PPFIBP1: variants seen among roughly 807,000 people sequenced by gnomAD.
PPFIBP1 encodes liprin-beta-1.
In PPFIBP1, 112 loss-of-function variants were observed where a neutral mutation model predicts 137.8. The observed-to-expected ratio is 0.81, with a 90% CI of 0.70 to 0.95. PPFIBP1 has a LOEUF of 0.95. Ranked by LOEUF, PPFIBP1 falls within the 40% of genes least tolerant of loss-of-function variation. The pLI, the probability that PPFIBP1 is intolerant of heterozygous loss-of-function variation, is 0.00. For synonymous variants in PPFIBP1, 378 were observed against 417.3 expected, an observed-to-expected ratio of 0.91 and a Z score of 1.15; for missense variants, 1,083 against 1,196.6, an observed-to-expected ratio of 0.91 and a Z score of 1.40.
At chr12:27,679,166 G>A in intron 19 of PPFIBP1, among the ~76,000 whole-genome samples, 1 of 152,160 alleles carries the variant, frequency 6.6e-6, no homozygotes. Context: ...GAAGGATGTA[G>A]CAGGTAATCA....
chr12:27,624,203 G>A (rs2056606643), intron 2 of PPFIBP1, among the ~76,000 whole-genome samples: 1 of 152,166 alleles, frequency 6.6e-6, no homozygotes. Flanking sequence ...CATAGTTTAT[G>A]GTTTGGATTA....
intron 1 of PPFIBP1, among the ~76,000 whole-genome samples, chr12:27,558,540 T>C (rs1488428602): frequency 1.0e-5 from 1 of 100,378 alleles, no homozygotes; most frequent in East Asian, 3.5e-4. Flanking sequence ...TTTGTGGGCA[T>C]TGGGGAAAAT....
chr12:27,554,624 T>C (rs922674830), intron 1 of PPFIBP1, among the ~76,000 whole-genome samples: 2 of 152,184 alleles, frequency 1.3e-5, no homozygotes, highest in Non-Finnish European at 2.9e-5. Flanking sequence ...CCCTGGAGGT[T>C]TGTAGTTCAG....
rs116890030 is a variant in PPFIBP1, at chr12:27,668,670, C to T, written c.1146+1350C>T. Among the ~76,000 whole-genome samples, 83 of 152,292 alleles carry T rather than the reference C, an allele frequency of 5.5e-4. 1 individual carries two copies. The East Asian group carries it at 0.015, about 28-fold the overall frequency. ...ATTTCATACGAATCATGTTATAATTCACTGCATTACAGAAGAACACATCCA... is the reference window on the plus strand; with the variant it reads ...ATTTCATACGAATCATGTTATAATTTACTGCATTACAGAAGAACACATCCA... On this transcript the variant is annotated intron_variant, in intron 13 of 29. Transcript: ENST00000228425.
In PPFIBP1 at chr12:27,654,809, A is replaced by T. The variant is rs771180048; in HGVS notation, c.691A>T (p.Thr231Ser). Reference protein sequence around the residue: ...RLQYEKKLKSTKDELASLKEQ... With the variant: ...RLQYEKKLKSSKDELASLKEQ... ...TCAGTATGAAAAAAAGCTTAAATCA[A>T]CCAAAGTAAGTTTTTCTCACAGGTT... The change falls in exon 8 of 30, where the codon ACC (threonine) becomes TCC (serine). Residue 231 changes from threonine (T) to serine (S), a missense_variant. By Grantham distance (58) the Thr-to-Ser change is moderately conservative. Coordinates refer to ENST00000228425, the MANE Select transcript of PPFIBP1 (RefSeq NM_003622.4). 6.2e-7 allele frequency: 1 copy of T among 1,612,110 alleles called. No homozygotes were observed. Among genetic ancestry groups the T allele is most frequent in the Non-Finnish European group, 8.5e-7 (1 of 1,179,342 alleles).
chr12:27,635,829 TTGTC>T (rs1362779339), intron 4 of PPFIBP1: 14 of 152,250 alleles, frequency 9.2e-5, no homozygotes, highest in Admixed American at 5.9e-4. Context: ...GAGCTACCCT[TTGTC>T]TGGGCACGGT....
At chr12:27,692,757 T>G in intron 29 of PPFIBP1, 39 bp from the exon 30 acceptor site, 1 of 1,614,076 alleles carries the variant, frequency 6.2e-7, no homozygotes, top group Non-Finnish European at 8.5e-7. Context: ...CTCTGAGCTC[T>G]TGGCTCTCAG....
intron 17 of PPFIBP1, among the ~76,000 whole-genome samples, chr12:27,674,855 C>T (rs192221144): frequency 1.7e-3 from 226 of 130,918 alleles, no homozygotes; most frequent in African/African-American, 5.6e-3. Flanking sequence ...CTTTGTCGTC[C>T]AGGCTGGAGT....
In PPFIBP1 at chr12:27,688,288, G is replaced by A; in HGVS notation, c.2371-10G>A. 2.5e-6 allele frequency: 4 copies of A among 1,613,058 alleles called. No homozygotes were observed. Among genetic ancestry groups the A allele is most frequent in the Non-Finnish European group, 3.4e-6 (4 of 1,179,572 alleles). On this transcript the variant is annotated splice_polypyrimidine_tract_variant and intron_variant, in intron 25 of 29. Transcript: ENST00000228425. ...TTAATATTTAGGATCCTGGTTGTGT[G>A]TTCCCATAGAATACCATCGCCCCAT...
chr12:27,669,845 T>G (rs114348121), intron 13 of PPFIBP1, among the ~76,000 whole-genome samples: 46 of 152,362 alleles, frequency 3.0e-4, no homozygotes, highest in African/African-American at 1.0e-3. Flanking sequence ...TATTGCTTAC[T>G]TAAGTAAGTG....
At chr12:27,549,437 C>G (rs1357257867) in intron 1 of PPFIBP1, 1 of 151,996 alleles carries the variant, frequency 6.6e-6, no homozygotes, top group African/African-American at 2.4e-5. Context: ...GAATCTCCAA[C>G]TATGACTTTT....
chr12:27,673,507 G>T (rs78815731), intron 15 of PPFIBP1, among the ~76,000 whole-genome samples: 4 of 152,126 alleles, frequency 2.6e-5, no homozygotes, highest in Admixed American at 2.6e-4. Flanking sequence ...ACATCACAAG[G>T]CTAGTCCTAA....
At chr12:27,676,717 G>T (rs956888616) in intron 18 of PPFIBP1, 118 bp downstream of exon 18, 97 of 1,127,568 alleles carry the variant, frequency 8.6e-5, no homozygotes, top group Non-Finnish European at 1.1e-4. Context: ...AAACGAAGGT[G>T]AATGACTTAG....
chr12:27,622,272 C>A (rs954082011), intron 2 of PPFIBP1, among the ~76,000 whole-genome samples: 1 of 152,128 alleles, frequency 6.6e-6, no homozygotes, highest in Admixed American at 6.6e-5. Context: ...GTTTGCCCCC[C>A]CAGAGCAGTG....
At position 27,676,560 on chromosome 12, in the gene PPFIBP1, A is replaced by C. The variant is rs200910244; in HGVS notation, c.1543A>C (p.Ile515Leu). Residue 515 changes from isoleucine to leucine, a missense_variant, in exon 18 of 30, where the codon ATC becomes CTC. Physicochemically the swap from Ile to Leu is conservative, Grantham distance 5 (BLOSUM62 2). Coordinates refer to ENST00000228425, the MANE Select transcript of PPFIBP1 (RefSeq NM_003622.4). ...RSSFGRGFFKIKSNKRTASAP... is the reference protein window; with the variant it reads ...RSSFGRGFFKLKSNKRTASAP... ...TTCCTTTGGCCGGGGCTTTTTTAAA[A>C]TCAAAAGTAACAAGAGAACAGCAAG... 3.2e-5 allele frequency: 52 copies of C among 1,603,864 alleles called. No individual in the cohort carries two copies. The highest frequency in any genetic ancestry group is 4.3e-5 in the Non-Finnish European group (50 of 1,174,892).
chr12:27,676,163 A>G (rs1334719145), intron 17 of PPFIBP1, among the ~76,000 whole-genome samples: 1 of 152,218 alleles, frequency 6.6e-6, no homozygotes, highest in Non-Finnish European at 1.5e-5. Flanking sequence ...TATCCTAAAT[A>G]TTTAAAGCCC....
chr12:27,532,369 C>G (rs1944506428), intron 1 of PPFIBP1, among the ~76,000 whole-genome samples: 1 of 151,872 alleles, frequency 6.6e-6, no homozygotes, highest in Non-Finnish European at 1.5e-5. Context: ...AAGTAAAAAA[C>G]CAAGCACACG....
chr12:27,600,305 A>G (rs6487618), intron 2 of PPFIBP1, among the ~76,000 whole-genome samples: 133,275 of 151,950 alleles, frequency 0.88, 58,570 homozygotes, highest in Middle Eastern at 0.95. Flanking sequence ...GTATGGTGGT[A>G]CACGCCTGTA....
chr12:27,598,254 G>A (rs1300937879), intron 2 of PPFIBP1, among the ~76,000 whole-genome samples: 1 of 152,170 alleles, frequency 6.6e-6, no homozygotes, highest in Non-Finnish European at 1.5e-5. Flanking sequence ...CCATGTGGCT[G>A]GGAAGGCCTC....
Sources: gnomAD v4.1 joint callset for allele counts (sites outside exome capture counted in the v4.1 genomes callset) on GRCh38, gnomAD v4.1.1 for gene constraint, MANE v1.5 for transcripts, NCBI Gene and HGNC (gene_info 2026-07-23, HGNC 2026-07-21) for gene names.